The following PCSK5 variants were observed in gnomAD, a reference collection of about 807,000 sequenced individuals.
PCSK5 encodes prohormone convertase 5.
A neutral mutation model predicts 233.2 loss-of-function variants in PCSK5; 129 were observed. The ratio of observed to expected loss-of-function variants is 0.55; its 90% CI spans 0.48 to 0.64. The LOEUF (loss-of-function observed/expected upper bound fraction) is 0.64, where lower values mean the gene tolerates loss of function less well. PCSK5 is among the 30% of genes least tolerant of loss of function. The pLI, the probability that PCSK5 is intolerant of heterozygous loss-of-function variation, is 0.00. For missense variants in PCSK5, 2,076 were observed against 2,430.1 expected (o/e 0.85, Z 3.06); for synonymous variants, 825 against 879.2 (o/e 0.94, Z 1.09).
intron 3 of PCSK5, among the ~76,000 whole-genome samples, chr9:76,005,194 G>T (rs1024495664): frequency 2.2e-4 from 34 of 152,230 alleles, no homozygotes; most frequent in African/African-American, 8.2e-4. Flanking sequence ...TACAATTTAA[G>T]ATTTCTCTTT....
chr9:76,351,777 A>G (rs1830174493), intron 36 of PCSK5, among the ~76,000 whole-genome samples: 1 of 150,530 alleles, frequency 6.6e-6, no homozygotes, highest in Non-Finnish European at 1.5e-5. Flanking sequence ...TCACTCTGTC[A>G]CCCAGGCTGG....
intron 11 of PCSK5, among the ~76,000 whole-genome samples, chr9:76,157,658 G>C (rs1208720794): frequency 6.6e-6 from 1 of 151,886 alleles, no homozygotes; most frequent in African/African-American, 2.4e-5. Context: ...AGGCTTATTA[G>C]TGTTTTGCTC....
chr9:76,169,652 A>G (rs924481492), intron 12 of PCSK5, 52 bp from the exon 13 acceptor site: 2 of 1,582,658 alleles, frequency 1.3e-6, no homozygotes, highest in South Asian at 1.1e-5. Flanking sequence ...TATTAACTAG[A>G]CCCTCATTGG....
chr9:76,243,823 C>A (rs1482487259), intron 24 of PCSK5, among the ~76,000 whole-genome samples: 3 of 152,142 alleles, frequency 2.0e-5, no homozygotes, highest in Non-Finnish European at 4.4e-5. Context: ...AAATTCAAAG[C>A]AGAGATGAAT....
At chr9:75,889,845 T>G (rs745380366), upstream of PCSK5, among the ~76,000 whole-genome samples, 1 of 152,176 alleles carries the variant, frequency 6.6e-6, no homozygotes, top group Non-Finnish European at 1.5e-5. Flanking sequence ...CCGCCACATA[T>G]CTCATCTGAA....
At chr9:75,964,565 C>T (rs763548364) in intron 2 of PCSK5, among the ~76,000 whole-genome samples, 6 of 152,176 alleles carry the variant, frequency 3.9e-5, no homozygotes, top group South Asian at 2.1e-4. Context: ...ACCTGCCTTC[C>T]GTAAGCGGAG....
intron 20 of PCSK5, among the ~76,000 whole-genome samples, chr9:76,223,602 T>C (rs892682001): frequency 6.6e-6 from 1 of 152,218 alleles, no homozygotes; most frequent in Non-Finnish European, 1.5e-5. Flanking sequence ...TGAACCATTA[T>C]AGCATAGGAT....
chr9:75,912,052 G>C (rs953864199), intron 1 of PCSK5, among the ~76,000 whole-genome samples: 2 of 152,142 alleles, frequency 1.3e-5, no homozygotes, highest in Non-Finnish European at 2.9e-5. Context: ...TCAGATAGTG[G>C]TAAGTGCTAT....
At chr9:76,109,170 A>C (rs1032316434) in intron 9 of PCSK5, among the ~76,000 whole-genome samples, 9 of 152,204 alleles carry the variant, frequency 5.9e-5, no homozygotes, top group African/African-American at 2.2e-4. Context: ...CGGAAGTCTC[A>C]ATTAAGTGTC....
intron 3 of PCSK5, among the ~76,000 whole-genome samples, chr9:76,007,153 TC>T (rs1827513264): frequency 6.6e-6 from 1 of 152,238 alleles, no homozygotes; most frequent in Non-Finnish European, 1.5e-5. Flanking sequence ...TCAGTTTATT[TC>T]CAGGGTTTAA....
intron 20 of PCSK5, among the ~76,000 whole-genome samples, chr9:76,218,840 T>A (rs73460345): frequency 0.015 from 2,293 of 152,340 alleles, 58 homozygotes; most frequent in African/African-American, 0.053. Flanking sequence ...TGACCCGCAG[T>A]AGGCACGGAG....
chr9:76,342,930 C>T (rs1829874922), intron 35 of PCSK5, among the ~76,000 whole-genome samples: 1 of 152,150 alleles, frequency 6.6e-6, no homozygotes, highest in African/African-American at 2.4e-5. Flanking sequence ...CCTTAAATAT[C>T]TCCTAATTCC....
chr9:76,154,259 A>G (rs1564066012), intron 10 of PCSK5, among the ~76,000 whole-genome samples: 1 of 152,196 alleles, frequency 6.6e-6, no homozygotes, highest in Non-Finnish European at 1.5e-5. Context: ...TGAGTGTTTC[A>G]TGAACAGACA....
intron 2 of PCSK5, among the ~76,000 whole-genome samples, chr9:75,958,052 C>G (rs539981287): frequency 6.6e-6 from 1 of 152,074 alleles, no homozygotes; most frequent in Non-Finnish European, 1.5e-5. Context: ...TTGTTCCAGG[C>G]GGTTATTCAT....
intron 3 of PCSK5, among the ~76,000 whole-genome samples, chr9:76,021,333 C>G (rs968122840): frequency 6.0e-5 from 9 of 149,364 alleles, no homozygotes; most frequent in Admixed American, 1.3e-4. Context: ...GGGAGAGACA[C>G]AGAGAGAGAG....
chr9:76,182,061 A>G (rs982262857), intron 16 of PCSK5, among the ~76,000 whole-genome samples: 3 of 152,198 alleles, frequency 2.0e-5, no homozygotes, highest in Non-Finnish European at 4.4e-5. Flanking sequence ...CCAAAATTCC[A>G]GAGTCTTCAA....
intron 24 of PCSK5, among the ~76,000 whole-genome samples, chr9:76,249,275 A>G (rs1826722332): frequency 6.6e-6 from 1 of 152,190 alleles, no homozygotes; most frequent in African/African-American, 2.4e-5. Context: ...TCCCTAGTCC[A>G]AAATGTCAAT....
chr9:76,253,980 G>T (rs920596216), intron 24 of PCSK5, among the ~76,000 whole-genome samples: 4 of 152,122 alleles, frequency 2.6e-5, no homozygotes, highest in African/African-American at 7.2e-5. Context: ...TCTCTCTCAT[G>T]CTACATCTTC....
intron 10 of PCSK5, among the ~76,000 whole-genome samples, chr9:76,137,670 G>T (rs1455294882): frequency 6.6e-6 from 1 of 151,862 alleles, no homozygotes; most frequent in Non-Finnish European, 1.5e-5. Flanking sequence ...TTAATTAAAT[G>T]GTATAAATAT....
Sources: gnomAD v4.1 joint callset for allele counts (sites outside exome capture counted in the v4.1 genomes callset) on GRCh38, gnomAD v4.1.1 for gene constraint, MANE v1.5 for transcripts, NCBI Gene and HGNC (gene_info 2026-07-23, HGNC 2026-07-21) for gene names.